The following EFR3B variants were observed in gnomAD, a reference collection of about 807,000 sequenced individuals.
The protein encoded by EFR3B is protein EFR3 homolog B.
Under a neutral mutation model 104.7 loss-of-function variants are expected in EFR3B, and 64 were observed. That is an observed-to-expected ratio of 0.61 (90% confidence interval 0.50 to 0.75). The LOEUF (loss-of-function observed/expected upper bound fraction) is 0.75. EFR3B is among the 30% of genes least tolerant of loss of function. EFR3B has a pLI of 0.00. For synonymous variants in EFR3B, 385 were observed against 417.9 expected, an observed-to-expected ratio of 0.92 and a Z score of 0.96; for missense variants, 750 against 1,078.5, an observed-to-expected ratio of 0.70 and a Z score of 4.27.
At chr2:25,097,769 C>A (rs1243407844) in intron 3 of EFR3B, among the ~76,000 whole-genome samples, 2 of 152,158 alleles carry the variant, frequency 1.3e-5, no homozygotes, top group African/African-American at 4.8e-5. Context: ...AGTTCAACTC[C>A]AATGCGAGTA....
At chr2:25,072,781 G>GCTT (rs1668533084) in intron 1 of EFR3B, among the ~76,000 whole-genome samples, 1 of 152,166 alleles carries the variant, frequency 6.6e-6, no homozygotes, top group Non-Finnish European at 1.5e-5. Context: ...GGCAGTCAGA[G>GCTT]CTTCTTGCAG....
At chr2:25,074,304 G>A (rs770758026) in intron 1 of EFR3B, among the ~76,000 whole-genome samples, 5 of 152,156 alleles carry the variant, frequency 3.3e-5, no homozygotes, top group African/African-American at 7.2e-5. Flanking sequence ...AGTGGCTCAC[G>A]CCTGTAATCT....
intron 4 of EFR3B, among the ~76,000 whole-genome samples, chr2:25,120,086 G>A (rs1472781685): frequency 6.6e-6 from 1 of 152,158 alleles, no homozygotes; most frequent in African/African-American, 2.4e-5. Context: ...TGGGCACGGG[G>A]GCTGATGCCT....
At position 25,106,803 on chromosome 2, in the gene EFR3B, C is replaced by T. The variant is rs537979723; in HGVS notation, c.363+3016C>T. Among the ~76,000 whole-genome samples, 387 of 152,240 alleles carry T rather than the reference C, an allele frequency of 2.5e-3. 2 individuals carry two copies. The highest frequency in any genetic ancestry group is 8.8e-3 in the African/African-American group (365 of 41,556). ...TTCACTGTGTTGGCCAGGCTGGTCT[C>T]GAACTCCTGACCTCAAGTGATCCAC... On this transcript the variant is annotated intron_variant, in intron 4 of 22. Transcript: ENST00000403714.
chr2:25,126,635 C>T (rs1052673872), intron 5 of EFR3B, among the ~76,000 whole-genome samples: 1 of 152,004 alleles, frequency 6.6e-6, no homozygotes, highest in African/African-American at 2.4e-5. Context: ...GCTGGGATTA[C>T]AGGCGTGAGT....
In EFR3B at chr2:25,106,582, C is replaced by T. The variant is rs547473381; in HGVS notation, c.363+2795C>T. On this transcript the variant is annotated intron_variant, in intron 4 of 22. Coordinates refer to ENST00000403714, the MANE Select transcript of EFR3B (RefSeq NM_014971.2). ...AAGTGATTCTCCTGCCAAAGCCTCC[C>T]GAGTAACTGGGATTATAGGCGCCTG... Among the ~76,000 whole-genome samples the T allele has an allele frequency of 9.2e-5, 14 of 152,142 alleles. No individual in the cohort carries two copies. In the East Asian group the frequency reaches 1.7e-3, roughly 19 times the overall value.
chr2:25,132,263 C>T (rs1450556660), intron 10 of EFR3B, among the ~76,000 whole-genome samples: 4 of 152,192 alleles, frequency 2.6e-5, no homozygotes, highest in Non-Finnish European at 5.9e-5. Context: ...TGTCTCAGAT[C>T]TGAAGTCTCA....
intron 1 of EFR3B, among the ~76,000 whole-genome samples, chr2:25,085,280 C>T (rs903559693): frequency 1.3e-5 from 2 of 152,148 alleles, no homozygotes; most frequent in Admixed American, 6.5e-5. Context: ...AGAATTGGTC[C>T]TGGAACTCAA....
At chr2:25,044,602 C>T (rs1667667443) in intron 1 of EFR3B, among the ~76,000 whole-genome samples, 1 of 152,130 alleles carries the variant, frequency 6.6e-6, no homozygotes, top group Non-Finnish European at 1.5e-5. Context: ...CTCCTGACCT[C>T]CCCTGTGTGT....
intron 1 of EFR3B, among the ~76,000 whole-genome samples, chr2:25,044,709 A>G (rs894120909): frequency 2.6e-5 from 4 of 152,182 alleles, no homozygotes; most frequent in African/African-American, 7.2e-5. Context: ...TAAGAGCTTT[A>G]GGTAAAGGTG....
intron 1 of EFR3B, among the ~76,000 whole-genome samples, chr2:25,066,154 C>T (rs1262793751): frequency 6.6e-6 from 1 of 152,142 alleles, no homozygotes; most frequent in Non-Finnish European, 1.5e-5. Context: ...GTGACATCCC[C>T]AAGTTTGTCA....
At chr2:25,142,944 TAAAA>T (rs767559729) in intron 17 of EFR3B, among the ~76,000 whole-genome samples, 2 of 109,254 alleles carry the variant, frequency 1.8e-5, no homozygotes, top group Admixed American at 9.8e-5. Flanking sequence ...ACCCTGTCTT[TAAAA>T]AAAAAAAAAA....
At chr2:25,060,141 A>C (rs534644791) in intron 1 of EFR3B, among the ~76,000 whole-genome samples, 32 of 152,332 alleles carry the variant, frequency 2.1e-4, no homozygotes, top group African/African-American at 7.7e-4. Context: ...GGTTGCAGTG[A>C]GCTGAGATCA....
intron 19 of EFR3B, among the ~76,000 whole-genome samples, chr2:25,148,911 G>T (rs1280622439): frequency 2.0e-5 from 2 of 102,444 alleles, no homozygotes; most frequent in East Asian, 3.0e-4. Context: ...GACAGAGCGA[G>T]ACTCCGTCTC....
chr2:25,133,497 C>G (rs1670439578), intron 12 of EFR3B, 63 bp downstream of exon 12: 2 of 1,486,752 alleles, frequency 1.3e-6, no homozygotes, highest in Non-Finnish European at 1.8e-6. Context: ...TCCAAGGGAC[C>G]AAGTGAAGGC....
intron 4 of EFR3B, among the ~76,000 whole-genome samples, chr2:25,110,813 T>C (rs1016114342): frequency 1.3e-5 from 2 of 152,250 alleles, no homozygotes; most frequent in African/African-American, 4.8e-5. Flanking sequence ...TTCCCTAATT[T>C]TCCCCCGTTG....
Position 25,131,524 on chromosome 2 carries a change from C to A in EFR3B, c.985+21C>A, listed in dbSNP as rs1210642228. 3 of 1,547,384 alleles carry A rather than the reference C, an allele frequency of 1.9e-6. No individual in the cohort carries two copies. The East Asian group carries it at 7.3e-5, about 38-fold the overall frequency. ...TGTGGGTAAGGGGCATGGCTAGGGC[C>A]TGAGGGCCGGGGACCCCGCGGAGGC... On this transcript the variant is annotated intron_variant, in intron 9 of 22. Coordinates refer to ENST00000403714, the MANE Select transcript of EFR3B (RefSeq NM_014971.2). This position sits in a 1 kb window ranked among gnomAD's most constrained non-coding sequence, Gnocchi z 7.6.
intron 1 of EFR3B, among the ~76,000 whole-genome samples, chr2:25,063,745 C>G (rs925667631): frequency 6.6e-6 from 1 of 152,224 alleles, no homozygotes; most frequent in Non-Finnish European, 1.5e-5. Flanking sequence ...GTTTTACCAT[C>G]AACCGATCCT....
chr2:25,116,133 A>C (rs1669853076), intron 4 of EFR3B: 1 of 152,384 alleles, frequency 6.6e-6, no homozygotes. Context: ...ACATTGCCCC[A>C]GCAAATACTG....
Sources: allele counts gnomAD v4.1 joint callset (sites outside exome capture counted in the v4.1 genomes callset), GRCh38; gene constraint gnomAD v4.1.1; non-coding constraint Gnocchi (gnomAD v3.1); transcripts MANE v1.5; gene names NCBI Gene and HGNC (gene_info 2026-07-23, HGNC 2026-07-21).